RAPGEF6: variants seen among roughly 807,000 people sequenced by gnomAD.
The protein encoded by RAPGEF6 is PDZ domain containing guanine nucleotide exchange factor (GEF) 2.
RAPGEF6 carries 56 observed loss-of-function variants against 171.4 expected under a neutral mutation model. That is an observed-to-expected ratio of 0.33 (90% CI 0.26 to 0.41). The LOEUF (loss-of-function observed/expected upper bound fraction) is 0.41. RAPGEF6 is among the 10% of genes least tolerant of loss of function. The probability of loss-of-function intolerance (pLI) is 1.00; values close to 1 mark genes in which losing one functional copy is unlikely to be tolerated. For synonymous variants in RAPGEF6, 692 were observed against 650.1 expected, an observed-to-expected ratio of 1.06 and a Z score of -0.98; for missense variants, 1,674 against 1,921.4, an observed-to-expected ratio of 0.87 and a Z score of 2.41.
At position 131,490,215 on chromosome 5, in the gene RAPGEF6, T is replaced by C. The variant is rs748711156; in HGVS notation, c.1732-561A>G. Among the ~76,000 whole-genome samples the C allele has an allele frequency of 5.3e-5, 8 of 152,132 alleles. No individual in the cohort carries two copies. In the East Asian group the frequency reaches 5.8e-4, roughly 11 times the overall value. Reference sequence around the variant, plus strand: ...CCAATTTGGCTATACCTCAGAATCATAGAAGCAGTTTATTTCAAGAAGTAC... The same window carrying C: ...CCAATTTGGCTATACCTCAGAATCACAGAAGCAGTTTATTTCAAGAAGTAC... On this transcript the variant is annotated intron_variant, in intron 14 of 27. Coordinates refer to ENST00000509018, the MANE Select transcript of RAPGEF6 (RefSeq NM_016340.6).
rs747298732 is a variant in RAPGEF6 at position 131,461,739 on chromosome 5, A to G, written c.2830T>C (p.Cys944Arg). ...FIKIALHCRE[C>R]KNFNSMFAII... Reference sequence around the variant, plus strand: ...GCAAACATGGAATTGAAGTTCTTACATTCTCGACAATGAAGTGCAATTTTA... The same window carrying G: ...GCAAACATGGAATTGAAGTTCTTACGTTCTCGACAATGAAGTGCAATTTTA... The change falls in exon 19 of 28, where the codon TGT becomes CGT. Residue 944 changes from cysteine to arginine, a missense_variant. Cys to Arg is a radical substitution (Grantham distance 180). This residue lies in a region of RAPGEF6 where 1,116 missense variants were observed against 1,321.5 expected (regional missense o/e 0.84). Transcript: ENST00000509018. 8.1e-6 allele frequency: 13 copies of G among 1,604,482 alleles called. No homozygotes were observed. The highest frequency in any genetic ancestry group is 1.0e-5 in the Non-Finnish European group (12 of 1,172,338).
rs777875874 is a variant in RAPGEF6, at chr5:131,461,734, C to T, written c.2835G>A (p.Lys945=). ...TTATTGCAAACATGGAATTGAAGTT[C>T]TTACATTCTCGACAATGAAGTGCAA... ...IKIALHCREC[K]NFNSMFAIIS... The change falls in exon 19 of 28, where the codon AAG becomes AAA. Residue 945 remains lysine, a synonymous_variant. Coordinates refer to ENST00000509018, the MANE Select transcript of RAPGEF6 (RefSeq NM_016340.6). The T allele has an allele frequency of 6.2e-7, 1 of 1,601,760 alleles. No individual in the cohort carries two copies. The highest frequency in any genetic ancestry group is 1.3e-5 in the African/African-American group (1 of 74,702).
chr5:131,625,067 G>T (rs1765824136), intron 1 of RAPGEF6, among the ~76,000 whole-genome samples: 1 of 151,970 alleles, frequency 6.6e-6, no homozygotes, highest in Non-Finnish European at 1.5e-5. Flanking sequence ...TTCGAGACCA[G>T]CCTGGCCAAC....
chr5:131,433,022 A>T (rs980664266), intron 25 of RAPGEF6, among the ~76,000 whole-genome samples: 25 of 152,036 alleles, frequency 1.6e-4, no homozygotes, highest in Non-Finnish European at 3.5e-4. Context: ...TTACACTTTC[A>T]GAGGACAGAG....
At chr5:131,605,425 T>C (rs1051031710) in intron 1 of RAPGEF6, among the ~76,000 whole-genome samples, 1 of 152,196 alleles carries the variant, frequency 6.6e-6, no homozygotes, top group Non-Finnish European at 1.5e-5. Flanking sequence ...CACACCAACA[T>C]GGCACATGTA....
chr5:131,631,990 C>T (rs190941871), intron 1 of RAPGEF6, among the ~76,000 whole-genome samples: 57 of 149,910 alleles, frequency 3.8e-4, no homozygotes, highest in African/African-American at 1.0e-3. Context: ...GCAGGAGAAT[C>T]GCTTGATCTC....
At position 131,510,391 on chromosome 5, in the gene RAPGEF6, G is replaced by A. The variant is rs887470858; in HGVS notation, c.728C>T (p.Thr243Ile). The change falls in exon 8 of 28, where the codon ACA becomes ATA. Residue 243 changes from threonine to isoleucine, a missense_variant. By Grantham distance (89) the Thr-to-Ile change is moderately conservative (BLOSUM62 -1). This residue lies in a region of RAPGEF6 where 1,116 missense variants were observed against 1,321.5 expected (regional missense o/e 0.84). Transcript: ENST00000509018. ...DEEEDEEIDR[T>I]DPLQGRDLVR... ...AAGATCTCGCCCCTGCAATGGATCTGTTCGATCAATCTCTTCATCTTCCTC... is the reference window on the plus strand; with the variant it reads ...AAGATCTCGCCCCTGCAATGGATCTATTCGATCAATCTCTTCATCTTCCTC... 3 of 1,613,992 alleles carry A rather than the reference G, an allele frequency of 1.9e-6. No individual in the cohort carries two copies. The highest frequency in any genetic ancestry group is 8.5e-7 in the Non-Finnish European group (1 of 1,180,018).
chr5:131,538,521 C>T (rs115553399), intron 6 of RAPGEF6, among the ~76,000 whole-genome samples: 66 of 152,258 alleles, frequency 4.3e-4, no homozygotes, highest in African/African-American at 1.3e-3. Flanking sequence ...TCTGTCATTA[C>T]GCAACACATG....
chr5:131,544,693 T>G (rs1760393311), intron 6 of RAPGEF6, among the ~76,000 whole-genome samples: 1 of 152,158 alleles, frequency 6.6e-6, no homozygotes. Context: ...TAAAAAAAAT[T>G]TTTTTTTGAG....
intron 1 of RAPGEF6, among the ~76,000 whole-genome samples, chr5:131,619,149 G>A (rs1365977316): frequency 2.0e-5 from 3 of 152,032 alleles, no homozygotes; most frequent in Non-Finnish European, 4.4e-5. Flanking sequence ...TGAAACAGAG[G>A]TGTGAGATGG....
chr5:131,436,044 C>T (rs1362286238), intron 24 of RAPGEF6: 1 of 1,536,780 alleles, frequency 6.5e-7, no homozygotes, highest in African/African-American at 1.4e-5. Flanking sequence ...AGATGGCACT[C>T]CCTTTCTCAT....
chr5:131,446,507 G>C lies in RAPGEF6; in HGVS notation c.3397C>G (p.Gln1133Glu). 6.2e-7 allele frequency: 1 copy of C among 1,614,166 alleles called. No individual in the cohort carries two copies. The highest frequency in any genetic ancestry group is 8.5e-7 in the Non-Finnish European group (1 of 1,179,996). The change falls in exon 22 of 28, where the codon CAG (glutamine) becomes GAG (glutamate). Residue 1133 changes from glutamine to glutamate, a missense_variant. Physicochemically the swap from Gln to Glu is conservative, Grantham distance 29 (BLOSUM62 2). Around this residue, in one of 3 missense-constraint regions of RAPGEF6, gnomAD observed 552 missense variants for 574.2 expected, o/e 0.96. Coordinates refer to ENST00000509018, the MANE Select transcript of RAPGEF6 (RefSeq NM_016340.6). ...DEEKFQMMSL[Q>E]WEPAYGTLTK... Reference sequence around the variant, plus strand: ...CAGGTACCATATGCAGGCTCCCACTGTAATGACATCATCTGGAACTTCTCC... The same window carrying C: ...CAGGTACCATATGCAGGCTCCCACTCTAATGACATCATCTGGAACTTCTCC...
chr5:131,548,008 A>T (rs745346607), intron 6 of RAPGEF6, 39 bp downstream of exon 6: 26 of 1,595,072 alleles, frequency 1.6e-5, no homozygotes, highest in Middle Eastern at 3.4e-4. Flanking sequence ...AGATATGAAA[A>T]TTAAGGAAGA....
chr5:131,601,877 CA>C (rs1210124473), intron 3 of RAPGEF6, among the ~76,000 whole-genome samples: 3 of 151,056 alleles, frequency 2.0e-5, no homozygotes, highest in African/African-American at 7.3e-5. Flanking sequence ...ACTAAAAATA[CA>C]AAAAAAATTA....
intron 15 of RAPGEF6, among the ~76,000 whole-genome samples, chr5:131,487,047 C>G (rs191973955): frequency 6.6e-6 from 1 of 152,090 alleles, no homozygotes; most frequent in Non-Finnish European, 1.5e-5. Context: ...TGGTTCCTTC[C>G]GGTGGGTTCC....
intron 17 of RAPGEF6, among the ~76,000 whole-genome samples, chr5:131,467,298 C>G (rs1173423380): frequency 6.6e-6 from 1 of 152,184 alleles, no homozygotes; most frequent in African/African-American, 2.4e-5. Flanking sequence ...AAGATTGATT[C>G]AGGTATCACA....
At position 131,492,592 on chromosome 5, in the gene RAPGEF6, C is replaced by T. The variant is rs1756354654; in HGVS notation, c.1721G>A (p.Arg574His). Residue 574 changes from arginine to histidine, a missense_variant, in exon 14 of 28, where the codon CGT becomes CAT. Physicochemically the swap from Arg to His is conservative, Grantham distance 29 (BLOSUM62 0). This residue lies in a region of RAPGEF6 where 1,116 missense variants were observed against 1,321.5 expected (regional missense o/e 0.84). Transcript: ENST00000509018. Reference protein sequence around the residue: ...GSKAADSGLKRGDQIMEVNGQ... With the variant: ...GSKAADSGLKHGDQIMEVNGQ... ...TGGTTATTTCCTTACCTGATCACCA[C>T]GTTTCAGTCCTGAATCAGCAGCTTT... 9.9e-6 allele frequency: 16 copies of T among 1,614,022 alleles called. No homozygotes were observed. The highest frequency in any genetic ancestry group is 3.3e-5 in the Admixed American group (2 of 60,004).
intron 16 of RAPGEF6, among the ~76,000 whole-genome samples, chr5:131,476,446 A>AATTT (rs374402344): frequency 2.7e-4 from 41 of 151,912 alleles, no homozygotes; most frequent in African/African-American, 8.2e-4. Context: ...CTAAAAATAA[A>AATTT]ATTTATTTAT....
intron 6 of RAPGEF6, among the ~76,000 whole-genome samples, chr5:131,540,589 A>G (rs1354998681): frequency 6.6e-6 from 1 of 152,208 alleles, no homozygotes; most frequent in African/African-American, 2.4e-5. Flanking sequence ...AAAAATATAC[A>G]GTAGCAAAAG....
Sources: allele counts gnomAD v4.1 joint callset (sites outside exome capture counted in the v4.1 genomes callset), GRCh38; gene constraint gnomAD v4.1.1; regional missense constraint gnomAD v4.1.1; transcripts MANE v1.5; gene names NCBI Gene and HGNC (gene_info 2026-07-23, HGNC 2026-07-21).